PRKCB: variants seen among roughly 807,000 people sequenced by gnomAD.
PRKCB encodes protein kinase C beta type.
Under a neutral mutation model 81.5 loss-of-function variants are expected in PRKCB, and 13 were observed. That is an observed-to-expected ratio of 0.16 (90% CI 0.10 to 0.25). The LOEUF is 0.25. PRKCB is among the 10% of genes least tolerant of loss of function. The pLI, the probability that PRKCB is intolerant of heterozygous loss-of-function variation, is 1.00. For synonymous variants in PRKCB, 335 were observed against 321.4 expected (o/e 1.04, Z -0.45); for missense variants, 509 against 875.7 (o/e 0.58, Z 5.29).
chr16:24,177,983 A>G (rs1403171424), intron 12 of PRKCB, among the ~76,000 whole-genome samples: 1 of 152,176 alleles, frequency 6.6e-6, no homozygotes, highest in Non-Finnish European at 1.5e-5. Context: ...GAAATGGTAA[A>G]AAATAAATTA....
intron 10 of PRKCB, among the ~76,000 whole-genome samples, chr16:24,160,908 G>A (rs1477435059): frequency 6.6e-6 from 1 of 152,168 alleles, no homozygotes; most frequent in African/African-American, 2.4e-5. Context: ...CCCGCGGCAT[G>A]AGCATGCTCC....
intron 9 of PRKCB, among the ~76,000 whole-genome samples, chr16:24,143,783 CTT>C (rs892428261): frequency 2.5e-4 from 38 of 152,284 alleles, no homozygotes; most frequent in African/African-American, 9.1e-4. Context: ...CTAAAGGTCT[CTT>C]TGTCTATTTT....
At chr16:24,028,801 G>GT (rs1278159090) in intron 3 of PRKCB, among the ~76,000 whole-genome samples, 5 of 151,002 alleles carry the variant, frequency 3.3e-5, no homozygotes, top group Admixed American at 3.3e-4. Context: ...GGATATGGTT[G>GT]TTGTTTTTTT....
intron 2 of PRKCB, among the ~76,000 whole-genome samples, chr16:23,983,507 C>A (rs1182597183): frequency 6.6e-6 from 1 of 152,154 alleles, no homozygotes; most frequent in African/African-American, 2.4e-5. Context: ...GTCAGGCGAT[C>A]ATCCAGGAGC....
At chr16:24,177,844 A>G (rs1221330823) in intron 12 of PRKCB, among the ~76,000 whole-genome samples, 1 of 152,172 alleles carries the variant, frequency 6.6e-6, no homozygotes, top group African/African-American at 2.4e-5. Flanking sequence ...AGTCTCCTCA[A>G]AGATTCTATG....
At chr16:23,855,001 G>A (rs1054818280) in intron 2 of PRKCB, among the ~76,000 whole-genome samples, 5 of 152,208 alleles carry the variant, frequency 3.3e-5, no homozygotes, top group Admixed American at 6.5e-5. Flanking sequence ...TAGTGCACAC[G>A]CAACACTGAA....
intron 5 of PRKCB, among the ~76,000 whole-genome samples, chr16:24,040,898 A>C (rs1965688958): frequency 6.6e-6 from 1 of 152,174 alleles, no homozygotes; most frequent in Non-Finnish European, 1.5e-5. Flanking sequence ...AATGTAGAAA[A>C]GACATGGAGC....
Position 24,193,460 on chromosome 16 carries a change from T to TAAATAAATAAATA in PRKCB, c.1863+2233_1863+2245dup, listed in dbSNP as rs1555501760. 7.0e-3 allele frequency among the ~76,000 whole-genome samples: 621 copies of TAAATAAATAAATA among 88,510 alleles called. 9 individuals carry two copies. The highest frequency in any genetic ancestry group is 0.011 in the Non-Finnish European group (422 of 38,226). The allele number at this position is 88,510 out of a possible 152,430, so 58.1% of individuals were successfully genotyped here. A position where few individuals can be genotyped will look rare whatever the true frequency, so the allele number is the denominator to read the frequency against. ...ACTCCATCTCAAATAAATAAATAAA[T>TAAATAAATAAATA]AAATAAATAAATAAATAAATAAATA... On this transcript the variant is annotated intron_variant, in intron 16 of 16. Coordinates refer to ENST00000643927, the MANE Select transcript of PRKCB (RefSeq NM_002738.7).
intron 2 of PRKCB, among the ~76,000 whole-genome samples, chr16:23,855,352 C>A (rs1040800567): frequency 8.5e-5 from 13 of 152,236 alleles, no homozygotes; most frequent in African/African-American, 3.1e-4. Flanking sequence ...TCTTCAGTTT[C>A]TTTGTCTGTG....
chr16:24,171,587 C>A (rs1262134237), intron 10 of PRKCB, among the ~76,000 whole-genome samples: 1 of 152,112 alleles, frequency 6.6e-6, no homozygotes, highest in Admixed American at 6.5e-5. Flanking sequence ...GCTACTACAG[C>A]TATCTATCAC....
chr16:24,167,468 G>A (rs1302180493), intron 10 of PRKCB, among the ~76,000 whole-genome samples: 1 of 152,078 alleles, frequency 6.6e-6, no homozygotes, highest in African/African-American at 2.4e-5. Context: ...GCTGAGACAG[G>A]AGGATTACTT....
In PRKCB at chr16:23,837,498, A is replaced by G. The variant is rs551641254; in HGVS notation, c.205+92A>G. 15 of 1,491,856 alleles carry G rather than the reference A, an allele frequency of 1.0e-5. No homozygotes were observed. In the South Asian group the frequency reaches 1.6e-4, roughly 16 times the overall value. The allele number at this position is 1,491,856 out of a possible 1,614,324, so 92.4% of individuals were successfully genotyped here. On this transcript the variant is annotated intron_variant, in intron 2 of 16. Coordinates refer to ENST00000643927, the MANE Select transcript of PRKCB (RefSeq NM_002738.7). The stretch of plus-strand genomic sequence containing the variant: ...GTTACTGAGTTAGGCAGAGAGTGAA[A>G]GAATCACGTTGGTCGGAGTGACCTC...
At position 23,866,780 on chromosome 16, in the gene PRKCB, T is replaced by TCCCG. The variant is rs1201261171; in HGVS notation, c.205+29374_205+29375insCCCG. On this transcript the variant is annotated intron_variant, in intron 2 of 16. Coordinates refer to ENST00000643927, the MANE Select transcript of PRKCB (RefSeq NM_002738.7). ...GTTCTCCAGAATAGCTGGACCACTGTATACTCCCACCAGCAGTGTGTGTTT... is the reference window on the plus strand; with the variant it reads ...GTTCTCCAGAATAGCTGGACCACTGTCCCGATACTCCCACCAGCAGTGTGTGTTT... Among the ~76,000 whole-genome samples the TCCCG allele has an allele frequency of 5.9e-5, 9 of 152,344 alleles. No homozygotes were observed. The East Asian group carries it at 1.7e-3, about 29-fold the overall frequency.
intron 16 of PRKCB, among the ~76,000 whole-genome samples, chr16:24,203,707 A>T (rs562855357): frequency 6.6e-6 from 1 of 152,216 alleles, no homozygotes. Context: ...TTGTTTTGTT[A>T]CAAGTGCAGT....
chr16:24,022,221 G>A (rs1459156466), intron 3 of PRKCB, among the ~76,000 whole-genome samples: 2 of 152,116 alleles, frequency 1.3e-5, no homozygotes, highest in East Asian at 3.9e-4. Context: ...GTTCACATGG[G>A]GTTGGATTCC....
chr16:23,917,100 T>G (rs1242912186), intron 2 of PRKCB, among the ~76,000 whole-genome samples: 1 of 152,080 alleles, frequency 6.6e-6, no homozygotes, highest in Non-Finnish European at 1.5e-5. Context: ...TATTTATTTA[T>G]TTTTTGAGAC....
intron 3 of PRKCB, among the ~76,000 whole-genome samples, chr16:24,012,207 G>T (rs774865360): frequency 3.3e-5 from 5 of 152,196 alleles, no homozygotes; most frequent in Admixed American, 6.5e-5. Flanking sequence ...TAGCTGACAT[G>T]TATGTAGCAC....
intron 2 of PRKCB, among the ~76,000 whole-genome samples, chr16:23,926,703 T>C (rs1423256793): frequency 1.3e-5 from 2 of 151,268 alleles, no homozygotes; most frequent in Non-Finnish European, 3.0e-5. Flanking sequence ...ATACATTTTC[T>C]TTATCCAGTC....
At chr16:24,006,837 G>C (rs556073328) in intron 3 of PRKCB, among the ~76,000 whole-genome samples, 1 of 137,588 alleles carries the variant, frequency 7.3e-6, no homozygotes, top group Non-Finnish European at 1.5e-5. Context: ...CGGGGAGCAG[G>C]GGGTGGGGAG....
Sources: gnomAD v4.1 joint callset for allele counts (sites outside exome capture counted in the v4.1 genomes callset) on GRCh38, gnomAD v4.1.1 for gene constraint, MANE v1.5 for transcripts, NCBI Gene and HGNC (gene_info 2026-07-23, HGNC 2026-07-21) for gene names.